The following STOX2 variants were observed in gnomAD, a reference collection of about 807,000 sequenced individuals.
STOX2 encodes the protein storkhead-box protein 2.
STOX2 carries 28 observed loss-of-function variants against 60.9 expected under a neutral mutation model. The observed-to-expected ratio is 0.46, with a 90% CI of 0.34 to 0.63. STOX2 has a LOEUF of 0.63. Among genes scored for constraint, STOX2 ranks in the 30% least tolerant of loss-of-function variants. STOX2 has a pLI of 0.01. For synonymous variants in STOX2, 472 were observed against 463.9 expected (o/e 1.02, Z -0.22); for missense variants, 1,024 against 1,187.7 (o/e 0.86, Z 2.03).
intron 1 of STOX2, among the ~76,000 whole-genome samples, chr4:183,875,988 C>T (rs4321677): frequency 0.97 from 148,481 of 152,304 alleles, 72,489 homozygotes; most frequent in East Asian, 1. Context: ...GCTGGGATTA[C>T]AGGTGTGAGC....
At chr4:183,987,081 C>T (rs1028360034) in intron 1 of STOX2, among the ~76,000 whole-genome samples, 11 of 152,244 alleles carry the variant, frequency 7.2e-5, no homozygotes, top group African/African-American at 2.4e-4. Context: ...TTCGGTTATC[C>T]GGATCCTGAG....
chr4:183,910,485 C>A (rs1209576318), intron 1 of STOX2, among the ~76,000 whole-genome samples: 1 of 152,190 alleles, frequency 6.6e-6, no homozygotes, highest in Non-Finnish European at 1.5e-5. Flanking sequence ...ATGCTGCTAA[C>A]TTTTAATTTC....
At chr4:183,994,669 C>T (rs533492835) in intron 1 of STOX2, among the ~76,000 whole-genome samples, 13 of 152,280 alleles carry the variant, frequency 8.5e-5, no homozygotes, top group East Asian at 3.9e-4. Context: ...AGGAAACGGG[C>T]GCAGAGCGGA....
At chr4:183,804,250 G>A (rs1738833131) in intron 1 of STOX2, among the ~76,000 whole-genome samples, 1 of 152,210 alleles carries the variant, frequency 6.6e-6, no homozygotes, top group Non-Finnish European at 1.5e-5. Context: ...CTTAATAAGT[G>A]ATAGAGCCGG....
intron 1 of STOX2, among the ~76,000 whole-genome samples, chr4:183,853,000 G>C (rs1222083117): frequency 6.6e-6 from 1 of 152,194 alleles, no homozygotes; most frequent in East Asian, 1.9e-4. Flanking sequence ...GGGCACTTTG[G>C]AGTGGGAAAG....
At position 184,017,519 on chromosome 4, in the gene STOX2, T is replaced by C. The variant is rs1734427374; in HGVS notation, c.*235T>C. The C allele has an allele frequency of 5.0e-6, 2 of 398,952 alleles. No homozygotes were observed. The highest frequency in any genetic ancestry group is 4.1e-5 in the African/African-American group (2 of 48,240). The allele number at this position is 398,952 out of a possible 1,614,324, so 24.7% of individuals were successfully genotyped here. On this transcript the variant is annotated 3_prime_UTR_variant, in exon 4 of 4. Transcript: ENST00000308497. ...GTAACAGTAGGGGTGATATGTATAC[T>C]TTTGCTTCACTAATTGTATCTGAGC...
intron 1 of STOX2, among the ~76,000 whole-genome samples, chr4:183,860,442 C>CAAAAAACAAA (rs1670950028): frequency 4.9e-5 from 6 of 121,506 alleles, no homozygotes; most frequent in Admixed American, 8.9e-5. Context: ...AAACAAAAAA[C>CAAAAAACAAA]AAAAAAAAAA....
intron 1 of STOX2, among the ~76,000 whole-genome samples, chr4:183,824,189 GTAA>G (rs1247754850): frequency 2.6e-5 from 4 of 152,208 alleles, no homozygotes; most frequent in Non-Finnish European, 5.9e-5. Context: ...TTAAAACAAT[GTAA>G]TAATAAATTC....
In STOX2 at chr4:184,009,796, C is replaced by T; in HGVS notation, c.958C>T (p.Pro320Ser). Residue 320 changes from proline (P) to serine (S), a missense_variant, in exon 3 of 4, where the codon CCA becomes TCA. This residue lies in a region of STOX2 where 922 missense variants were observed against 1,058.3 expected (regional missense o/e 0.87). Coordinates refer to ENST00000308497, the MANE Select transcript of STOX2 (RefSeq NM_020225.3). This position sits in a 1 kb window ranked among gnomAD's most constrained non-coding sequence, Gnocchi z 4.0. The part of the protein sequence containing the change: ...VEMEIIRRIN[P>S]DLTVENVMRH... ...GATGGAAATCATTAGGCGCATTAAC[C>T]CAGACCTGACCGTGGAAAATGTCAT... 6.2e-7 allele frequency: 1 copy of T among 1,612,562 alleles called. No individual in the cohort carries two copies. The highest frequency in any genetic ancestry group is 8.5e-7 in the Non-Finnish European group (1 of 1,179,356).
chr4:183,964,182 A>T (rs1743495920), intron 1 of STOX2, among the ~76,000 whole-genome samples: 1 of 152,188 alleles, frequency 6.6e-6, no homozygotes, highest in Admixed American at 6.5e-5. Context: ...GGCACAAGGG[A>T]GATGATCTGC....
At chr4:183,933,157 G>A (rs1031402952) in intron 1 of STOX2, among the ~76,000 whole-genome samples, 2 of 152,110 alleles carry the variant, frequency 1.3e-5, no homozygotes, top group South Asian at 4.1e-4. Flanking sequence ...TAAGCTCCTG[G>A]ATAATTTCCG....
At chr4:183,939,520 A>G (rs7669664) in intron 1 of STOX2, among the ~76,000 whole-genome samples, 2,709 of 152,194 alleles carry the variant, frequency 0.018, 43 homozygotes, top group African/African-American at 0.044. Context: ...AAGTAAAGCC[A>G]CATTCACAGA....
chr4:183,925,921 G>A (rs1742229221), intron 1 of STOX2, among the ~76,000 whole-genome samples: 1 of 151,626 alleles, frequency 6.6e-6, no homozygotes. Flanking sequence ...ATGGTGCCCT[G>A]AACTTTTATT....
intron 1 of STOX2, among the ~76,000 whole-genome samples, chr4:183,962,325 T>A (rs116110240): frequency 0.025 from 3,863 of 152,166 alleles, 167 homozygotes; most frequent in African/African-American, 0.088. Flanking sequence ...ATAGTAATCG[T>A]TTTTCTTAAG....
chr4:184,010,604 A>G lies in STOX2; in HGVS notation c.1766A>G (p.Asn589Ser), dbSNP rs1579549739. Residue 589 changes from asparagine (N) to serine (S), a missense_variant, in exon 3 of 4, where the codon AAC (asparagine) becomes AGC (serine). Asn to Ser is a conservative substitution (Grantham distance 46). This residue lies in a region of STOX2 where 922 missense variants were observed against 1,058.3 expected (regional missense o/e 0.87). Transcript: ENST00000308497. This position sits in a 1 kb window ranked among gnomAD's most constrained non-coding sequence, Gnocchi z 4.5. ...AGTTTGCCATCCTATGGCGAACTCAACTCTTGTCCAACAAAAACAGCCACA... is the reference window on the plus strand; with the variant it reads ...AGTTTGCCATCCTATGGCGAACTCAGCTCTTGTCCAACAAAAACAGCCACA... ...PESLPSYGELNSCPTKTATDD... is the reference protein window; with the variant it reads ...PESLPSYGELSSCPTKTATDD... The G allele has an allele frequency of 6.2e-7, 1 of 1,613,892 alleles. No individual in the cohort carries two copies. Among genetic ancestry groups the G allele is most frequent in the East Asian group, 2.2e-5 (1 of 44,860 alleles).
At position 184,009,861 on chromosome 4, in the gene STOX2, G is replaced by C; in HGVS notation, c.1023G>C (p.Lys341Asn). The C allele has an allele frequency of 6.2e-7, 1 of 1,611,742 alleles. No homozygotes were observed. The highest frequency in any genetic ancestry group is 2.2e-5 in the East Asian group (1 of 44,808). Reference sequence around the variant, plus strand: ...TCATGAAGAAACTGGAAGAAGAAAAGGCCCAGAGGAGTAAAGCCGGGTCCT... The same window carrying C: ...TCATGAAGAAACTGGAAGAAGAAAACGCCCAGAGGAGTAAAGCCGGGTCCT... The part of the protein sequence containing the change: ...TALMKKLEEE[K>N]AQRSKAGSSA... Residue 341 changes from lysine to asparagine, a missense_variant, in exon 3 of 4, where the codon AAG (lysine) becomes AAC (asparagine). By Grantham distance (94) the Lys-to-Asn change is moderately conservative. Around this residue, in one of 3 missense-constraint regions of STOX2, gnomAD observed 922 missense variants for 1,058.3 expected, o/e 0.87. Coordinates refer to ENST00000308497, the MANE Select transcript of STOX2 (RefSeq NM_020225.3). This position sits in a 1 kb window ranked among gnomAD's most constrained non-coding sequence, Gnocchi z 4.0.
Position 183,906,641 on chromosome 4 carries a change from G to C in STOX2, c.-150G>C. The C allele has an allele frequency of 1.2e-6, 1 of 868,414 alleles. No individual in the cohort carries two copies. 53.8% of individuals were successfully genotyped at this position (868,414 alleles called of 1,614,324 possible). A position where few individuals can be genotyped will look rare whatever the true frequency, so the allele number is the denominator to read the frequency against. ...GGGGGGCGTGGGGAGGGCCGGACCC[G>C]CCGCTGGCGGTGTAGACGCCGACGA... On this transcript the variant is annotated 5_prime_UTR_variant, in exon 1 of 4. Transcript: ENST00000308497.
intron 1 of STOX2, among the ~76,000 whole-genome samples, chr4:183,822,627 T>C (rs1047450951): frequency 1.3e-5 from 2 of 152,172 alleles, no homozygotes; most frequent in African/African-American, 4.8e-5. Context: ...CTGCCGCGGA[T>C]CTGACAGGAG....
rs969252011 is a variant in STOX2, at chr4:183,905,361, G to T, written c.-1430G>T. 7.2e-5 allele frequency: 11 copies of T among 152,418 alleles called. No homozygotes were observed. Among genetic ancestry groups the T allele is most frequent in the African/African-American group, 2.4e-4 (10 of 41,480 alleles). 9.4% of individuals were successfully genotyped at this position (152,418 alleles called of 1,614,324 possible). On this transcript the variant is annotated 5_prime_UTR_variant, in exon 1 of 4. Coordinates refer to ENST00000308497, the MANE Select transcript of STOX2 (RefSeq NM_020225.3). ...AAAGAGCTGTGGACCTGAATGCAGC[G>T]TAGCGGGCTGGCGGTGACTTACACC... is the stretch of plus-strand genomic sequence containing the variant.
Sources: gnomAD v4.1 joint callset for allele counts (sites outside exome capture counted in the v4.1 genomes callset) on GRCh38, gnomAD v4.1.1 for gene constraint, gnomAD v4.1.1 regional missense constraint, Gnocchi (gnomAD v3.1) non-coding constraint, MANE v1.5 for transcripts, NCBI Gene and HGNC (gene_info 2026-07-23, HGNC 2026-07-21) for gene names.